Variants in KCNU1 observed in about 807,000 individuals in gnomAD.
KCNU1 encodes the protein potassium channel subfamily U member 1.
In KCNU1, 93 loss-of-function variants were observed where a neutral mutation model predicts 126.8. The observed-to-expected ratio is 0.73, with a 90% CI of 0.62 to 0.87. The LOEUF (loss-of-function observed/expected upper bound fraction) is 0.87, where lower values mean the gene tolerates loss of function less well. Among genes scored for constraint, KCNU1 ranks in the 40% least tolerant of loss-of-function variants. KCNU1 has a pLI of 0.00. For missense variants in KCNU1, 1,330 were observed against 1,367.1 expected, an observed-to-expected ratio of 0.97 and a Z score of 0.43; for synonymous variants, 523 against 494.2, an observed-to-expected ratio of 1.06 and a Z score of -0.77.
At chr8:36,858,768 G>A (rs1805624690) in intron 18 of KCNU1, among the ~76,000 whole-genome samples, 1 of 152,132 alleles carries the variant, frequency 6.6e-6, no homozygotes, top group Non-Finnish European at 1.5e-5. Flanking sequence ...CTGCCTTTAT[G>A]TTTGTAGACA....
At chr8:36,859,455 A>G (rs917176902) in intron 18 of KCNU1, among the ~76,000 whole-genome samples, 17 of 152,188 alleles carry the variant, frequency 1.1e-4, no homozygotes, top group Non-Finnish European at 1.9e-4. Flanking sequence ...ACTATACTCA[A>G]TGAGAACCCA....
At chr8:36,806,489 T>A in intron 5 of KCNU1, 109 bp downstream of exon 5, 1 of 642,432 alleles carries the variant, frequency 1.6e-6, no homozygotes, top group Non-Finnish European at 2.7e-6. Flanking sequence ...ACTGTCATTT[T>A]AAAAACCTCT....
Position 36,833,670 on chromosome 8 carries a change from G to T in KCNU1, c.1212+11G>T, listed in dbSNP as rs770648526. Reference sequence around the variant, plus strand: ...CTGAGGCGAGTTGCGGTAAGATCTAGCTGTTTTTGTTCCTTGTAGTTTTCC... The same window carrying T: ...CTGAGGCGAGTTGCGGTAAGATCTATCTGTTTTTGTTCCTTGTAGTTTTCC... On this transcript the variant is annotated intron_variant, in intron 11 of 26. Transcript: ENST00000399881. The T allele has an allele frequency of 6.5e-7, 1 of 1,543,302 alleles. No homozygotes were observed. The highest frequency in any genetic ancestry group is 1.1e-5 in the South Asian group (1 of 89,518).
In KCNU1 at chr8:36,931,111, T is replaced by C; in HGVS notation, c.2897T>C (p.Leu966Pro). The change falls in exon 25 of 27, where the codon CTG becomes CCG. Residue 966 changes from leucine to proline, a missense_variant. Leu to Pro is a moderately conservative substitution (Grantham distance 98). Coordinates refer to ENST00000399881, the MANE Select transcript of KCNU1 (RefSeq NM_001031836.3). ...SGRNRCKLGL[L>P]SLHETILSDV... ...AGAAACCGGTGTAAGCTGGGGCTTC[T>C]GTCCTTACACGAAACCATTTTATCA... The C allele has an allele frequency of 1.2e-6, 2 of 1,610,854 alleles. No homozygotes were observed. Among genetic ancestry groups the C allele is most frequent in the Non-Finnish European group, 1.7e-6 (2 of 1,178,412 alleles).
chr8:36,797,997 G>T (rs76802618), intron 2 of KCNU1, among the ~76,000 whole-genome samples: 4 of 152,180 alleles, frequency 2.6e-5, no homozygotes, highest in South Asian at 2.1e-4. Context: ...GAAGCCTAGA[G>T]GTCAGAAAAG....
At chr8:36,800,062 C>G (rs908357627) in intron 2 of KCNU1, among the ~76,000 whole-genome samples, 10 of 152,094 alleles carry the variant, frequency 6.6e-5, no homozygotes, top group Admixed American at 2.0e-4. Context: ...ATAATATCCT[C>G]TCAAATCTCA....
chr8:36,830,152 A>G (rs940216988), intron 10 of KCNU1, among the ~76,000 whole-genome samples: 3 of 150,558 alleles, frequency 2.0e-5, no homozygotes, highest in Non-Finnish European at 4.4e-5. Flanking sequence ...TAAAATAAAT[A>G]TTTATAATAA....
intron 19 of KCNU1, among the ~76,000 whole-genome samples, chr8:36,870,613 A>G (rs1806067407): frequency 6.6e-6 from 1 of 152,162 alleles, no homozygotes; most frequent in Non-Finnish European, 1.5e-5. Flanking sequence ...TTCATGTCAT[A>G]TCTGAGCTTT....
At chr8:36,810,466 G>A (rs1006020380) in intron 7 of KCNU1, among the ~76,000 whole-genome samples, 3 of 152,126 alleles carry the variant, frequency 2.0e-5, no homozygotes, top group Admixed American at 2.0e-4. Flanking sequence ...GAAACAATCA[G>A]ATGGCGTGTG....
chr8:36,799,572 T>TG (rs1212168293), intron 2 of KCNU1, among the ~76,000 whole-genome samples: 2 of 151,994 alleles, frequency 1.3e-5, no homozygotes, highest in African/African-American at 4.8e-5. Flanking sequence ...CACTCTGCTG[T>TG]CATCCAGGCT....
At chr8:36,821,610 G>A (rs927857541) in intron 10 of KCNU1, among the ~76,000 whole-genome samples, 2 of 152,136 alleles carry the variant, frequency 1.3e-5, no homozygotes, top group Non-Finnish European at 2.9e-5. Flanking sequence ...TACAAGGGAG[G>A]GATGTGGATT....
rs34121138 is a variant in KCNU1, at chr8:36,879,211, G to GTATATATATATATA, written c.2009+14705_2009+14718dup. On this transcript the variant is annotated intron_variant, in intron 19 of 26. Transcript: ENST00000399881. The stretch of plus-strand genomic sequence containing the variant: ...TATGTATGTGTGTGTGTGTGTGTGT[G>GTATATATATATATA]TATATATATATATATATATATATAT... 4.3e-3 allele frequency among the ~76,000 whole-genome samples: 440 copies of GTATATATATATATA among 101,646 alleles called. 2 individuals are homozygous for GTATATATATATATA. Among genetic ancestry groups the GTATATATATATATA allele is most frequent in the African/African-American group, 7.0e-3 (201 of 28,692 alleles). 66.7% of individuals were successfully genotyped at this position (101,646 alleles called of 152,430 possible).
Position 36,814,384 on chromosome 8 carries a change from A to G in KCNU1, c.903+7A>G. 6.4e-7 allele frequency: 1 copy of G among 1,571,440 alleles called. No individual in the cohort carries two copies. Among genetic ancestry groups the G allele is most frequent in the Non-Finnish European group, 8.7e-7 (1 of 1,151,912 alleles). On this transcript the variant is annotated splice_region_variant and intron_variant, in intron 8 of 26. Coordinates refer to ENST00000399881, the MANE Select transcript of KCNU1 (RefSeq NM_001031836.3). ...CTTCACACTGGGGAGTTTGGTGAAG[A>G]ATATTTTTAATATATTTTGAATATA...
intron 19 of KCNU1, among the ~76,000 whole-genome samples, chr8:36,895,523 A>G (rs1294156936): frequency 6.6e-6 from 1 of 152,164 alleles, no homozygotes; most frequent in Non-Finnish European, 1.5e-5. Context: ...AACAAATTTA[A>G]ACTTGAAAGT....
chr8:36,852,158 A>G (rs746000429), intron 18 of KCNU1, among the ~76,000 whole-genome samples: 7 of 152,080 alleles, frequency 4.6e-5, no homozygotes, highest in Non-Finnish European at 1.0e-4. Context: ...TTCTATTAAT[A>G]TGGTATATTG....
intron 19 of KCNU1, among the ~76,000 whole-genome samples, chr8:36,880,395 T>A (rs1285773520): frequency 6.6e-6 from 1 of 152,198 alleles, no homozygotes; most frequent in African/African-American, 2.4e-5. Context: ...CTCTTGGAGC[T>A]GAGTCAATCC....
At chr8:36,871,912 G>T (rs1806116267) in intron 19 of KCNU1, among the ~76,000 whole-genome samples, 1 of 151,874 alleles carries the variant, frequency 6.6e-6, no homozygotes, top group Admixed American at 6.6e-5. Flanking sequence ...GTCTGTTTAG[G>T]GTCATATATA....
chr8:36,904,277 C>G (rs1009034634), intron 19 of KCNU1, among the ~76,000 whole-genome samples: 2 of 152,170 alleles, frequency 1.3e-5, no homozygotes, highest in Non-Finnish European at 2.9e-5. Flanking sequence ...GCACTCAGCT[C>G]AAGGTGCCCA....
intron 14 of KCNU1, among the ~76,000 whole-genome samples, chr8:36,839,869 C>T (rs76409768): frequency 6.6e-6 from 1 of 152,250 alleles, no homozygotes; most frequent in African/African-American, 2.4e-5. Flanking sequence ...GGGTTGGGTG[C>T]ATTTAGCCAT....
Sources: gnomAD v4.1 joint callset for allele counts (sites outside exome capture counted in the v4.1 genomes callset) on GRCh38, gnomAD v4.1.1 for gene constraint, MANE v1.5 for transcripts, NCBI Gene and HGNC (gene_info 2026-07-23, HGNC 2026-07-21) for gene names.